Variants in SEMA6D observed in about 807,000 individuals in gnomAD.
The protein encoded by SEMA6D is semaphorin-6D.
SEMA6D carries 35 observed loss-of-function variants against 106.6 expected under a neutral mutation model. The ratio of observed to expected loss-of-function variants is 0.33; its 90% CI spans 0.25 to 0.44. The LOEUF is 0.44. Ranked by LOEUF, SEMA6D falls within the 20% of genes least tolerant of loss-of-function variation. The probability of loss-of-function intolerance (pLI) is 1.00; values close to 1 mark genes in which losing one functional copy is unlikely to be tolerated. For synonymous variants in SEMA6D, 499 were observed against 487.7 expected (o/e 1.02, Z -0.31); for missense variants, 1,185 against 1,345.9 (o/e 0.88, Z 1.87).
At chr15:47,417,977 C>T (rs73405066) in intron 2 of SEMA6D, among the ~76,000 whole-genome samples, 3,046 of 151,790 alleles carry the variant, frequency 0.02, 92 homozygotes, top group African/African-American at 0.07. Context: ...AGGAGATAAA[C>T]GATGCATGGA....
chr15:47,466,727 G>GTT (rs772795826), intron 2 of SEMA6D, among the ~76,000 whole-genome samples: 10 of 138,918 alleles, frequency 7.2e-5, no homozygotes, highest in East Asian at 2.1e-4. Context: ...TAGGTGTGTG[G>GTT]TTTTTTTTTT....
chr15:47,467,947 A>G (rs1176100074), intron 2 of SEMA6D, among the ~76,000 whole-genome samples: 1 of 152,118 alleles, frequency 6.6e-6, no homozygotes, highest in Non-Finnish European at 1.5e-5. Context: ...TAAAAATTAT[A>G]TTATAATAAT....
intron 1 of SEMA6D, among the ~76,000 whole-genome samples, chr15:47,758,421 G>GAACTGCAAGTGACTTGCAGTTCAGAA: frequency 6.6e-6 from 1 of 152,012 alleles, no homozygotes; most frequent in East Asian, 1.9e-4. Context: ...CAGAACAGTA[G>GAACTGCAAGTGACTTGCAGTTCAGAA]CTGCAAGTGA....
chr15:47,278,753 C>T lies in SEMA6D; in HGVS notation c.-239+94335C>T, dbSNP rs1036818304. On this transcript the variant is annotated intron_variant, in intron 1 of 19. Transcript: ENST00000558014. The stretch of plus-strand genomic sequence containing the variant: ...AGGGTTTTTATGGTTTTAGGTCTAA[C>T]GTTTAAGTCTTTAATCCATCTTGAA... Among the ~76,000 whole-genome samples, 8 of 150,244 alleles carry T rather than the reference C, an allele frequency of 5.3e-5. No homozygotes were observed. In the South Asian group the frequency reaches 6.4e-4, roughly 12 times the overall value.
At chr15:47,510,668 G>A (rs1341209292) in intron 3 of SEMA6D, among the ~76,000 whole-genome samples, 1 of 152,182 alleles carries the variant, frequency 6.6e-6, no homozygotes, top group Non-Finnish European at 1.5e-5. Context: ...TGCAGTGTGA[G>A]GTGCAGCAGT....
chr15:47,684,311 A>G (rs1158892002), intron 4 of SEMA6D, among the ~76,000 whole-genome samples: 2 of 152,174 alleles, frequency 1.3e-5, no homozygotes, highest in African/African-American at 4.8e-5. Context: ...AACATTCATT[A>G]AGTACTTAGT....
chr15:47,468,661 G>T (rs2042733927), intron 2 of SEMA6D, among the ~76,000 whole-genome samples: 1 of 152,182 alleles, frequency 6.6e-6, no homozygotes, highest in African/African-American at 2.4e-5. Flanking sequence ...ATATTTTGCT[G>T]TTGACAGGCT....
chr15:47,657,886 A>G (rs1436904529), intron 4 of SEMA6D, among the ~76,000 whole-genome samples: 2 of 149,700 alleles, frequency 1.3e-5, no homozygotes, highest in Non-Finnish European at 1.5e-5. Context: ...GACTACAGGG[A>G]CCCCCCACCA....
rs1045175217 is a variant in SEMA6D, at chr15:47,729,069, A to G, written c.-55+11377A>G. Among the ~76,000 whole-genome samples, 34 of 152,320 alleles carry G rather than the reference A, an allele frequency of 2.2e-4. 1 individual carries two copies. On this transcript the variant is annotated intron_variant, in intron 1 of 18. Transcript: ENST00000536845. ...TCCTCCCACAGTGAAGTACCTTGCT[A>G]GGAGCGTGCGGCCAGAGTCAGAATT...
intron 4 of SEMA6D, among the ~76,000 whole-genome samples, chr15:47,644,816 A>G (rs1192911858): frequency 6.6e-6 from 1 of 152,232 alleles, no homozygotes; most frequent in South Asian, 2.1e-4. Context: ...CAAATAGTTT[A>G]TACTGGCGGG....
rs16959934 is a variant in SEMA6D, at chr15:47,697,690, A to C, written c.-54-62055A>C. ...TCAAAATCTCTCCTTCTGTATAGGG[A>C]AGGTCTGATGAATTTGAAATTAATT... On this transcript the variant is annotated intron_variant, in intron 4 of 19. Transcript: ENST00000558014. Among the ~76,000 whole-genome samples, 727 of 152,292 alleles carry C rather than the reference A, an allele frequency of 4.8e-3. 4 individuals carry two copies. Among genetic ancestry groups the C allele is most frequent in the African/African-American group, 0.017 (694 of 41,552 alleles).
At chr15:47,188,672 T>C (rs1893738439) in intron 1 of SEMA6D, among the ~76,000 whole-genome samples, 1 of 152,208 alleles carries the variant, frequency 6.6e-6, no homozygotes, top group South Asian at 2.1e-4. Flanking sequence ...TCTACTTATG[T>C]ATACAATTTC....
intron 1 of SEMA6D, among the ~76,000 whole-genome samples, chr15:47,725,171 A>G (rs1160404073): frequency 1.3e-5 from 2 of 152,238 alleles, no homozygotes; most frequent in African/African-American, 4.8e-5. Flanking sequence ...AACCATGCTC[A>G]TATGAGTTGG....
intron 4 of SEMA6D, among the ~76,000 whole-genome samples, chr15:47,631,396 A>G (rs2077290295): frequency 6.6e-6 from 1 of 151,766 alleles, no homozygotes. Flanking sequence ...CTCTGTGGTA[A>G]GCTGAATAAT....
At chr15:47,525,755 G>C (rs916774942) in intron 3 of SEMA6D, among the ~76,000 whole-genome samples, 1 of 152,132 alleles carries the variant, frequency 6.6e-6, no homozygotes, top group African/African-American at 2.4e-5. Context: ...AGTTCTAATT[G>C]TGCAATTTCA....
In SEMA6D at chr15:47,771,552, C is replaced by T. The variant is rs763608914; in HGVS notation, c.2989C>T (p.Arg997Cys). 1.9e-6 allele frequency: 3 copies of T among 1,614,042 alleles called. No individual in the cohort carries two copies. The highest frequency in any genetic ancestry group is 1.1e-5 in the South Asian group (1 of 91,078). ...VLLSRQPSMNRGGYMPTPTGA... is the reference protein window; with the variant it reads ...VLLSRQPSMNCGGYMPTPTGA... ...GTTATCCAGACAGCCTAGTATGAAC[C>T]GTGGAGGATATATGCCCACCCCCAC... The change falls in exon 19 of 19, where the codon CGT (arginine) becomes TGT (cysteine). Residue 997 changes from arginine to cysteine, a missense_variant. By Grantham distance (180) the Arg-to-Cys change is radical. This residue lies in a region of SEMA6D where 750 missense variants were observed against 783.5 expected (regional missense o/e 0.96). Transcript: ENST00000536845.
chr15:47,706,421 G>T (rs148242069), intron 4 of SEMA6D, among the ~76,000 whole-genome samples: 1 of 152,294 alleles, frequency 6.6e-6, no homozygotes, highest in East Asian at 1.9e-4. Context: ...TACAAAGGTT[G>T]CTTATGTAAT....
chr15:47,474,910 A>G (rs528515943), intron 3 of SEMA6D, among the ~76,000 whole-genome samples: 6 of 152,314 alleles, frequency 3.9e-5, no homozygotes, highest in African/African-American at 1.2e-4. Context: ...TTGCGGCACG[A>G]TTTCATGGCC....
chr15:47,609,656 A>T (rs965330064), intron 4 of SEMA6D, among the ~76,000 whole-genome samples: 7 of 152,176 alleles, frequency 4.6e-5, no homozygotes, highest in African/African-American at 1.4e-4. Flanking sequence ...GTGATGTGTA[A>T]GTCAAAAGGC....
Sources: allele counts gnomAD v4.1 joint callset (sites outside exome capture counted in the v4.1 genomes callset), GRCh38; gene constraint gnomAD v4.1.1; regional missense constraint gnomAD v4.1.1; transcripts MANE v1.5; gene names NCBI Gene and HGNC (gene_info 2026-07-23, HGNC 2026-07-21).